Variants in GOLGA1 observed in about 807,000 individuals in gnomAD.
GOLGA1 encodes golgin subfamily A member 1.
Under a neutral mutation model 119.7 loss-of-function variants are expected in GOLGA1, and 63 were observed. The observed-to-expected ratio is 0.53, with a 90% CI of 0.43 to 0.65. The LOEUF (loss-of-function observed/expected upper bound fraction) is 0.65. Ranked by LOEUF, GOLGA1 falls within the 30% of genes least tolerant of loss-of-function variation. The probability of loss-of-function intolerance (pLI) is 0.00; values close to 1 mark genes in which losing one functional copy is unlikely to be tolerated. For missense variants in GOLGA1, 798 were observed against 912.8 expected, an observed-to-expected ratio of 0.87 and a Z score of 1.62; for synonymous variants, 318 against 333.4, an observed-to-expected ratio of 0.95 and a Z score of 0.50.
chr9:124,907,095 G>A (rs979844785), intron 12 of GOLGA1, among the ~76,000 whole-genome samples: 1 of 152,112 alleles, frequency 6.6e-6, no homozygotes, highest in African/African-American at 2.4e-5. Flanking sequence ...ATTGGGTGTT[G>A]AGATATAGTA....
chr9:124,939,858 G>A (rs1830965979), intron 2 of GOLGA1, among the ~76,000 whole-genome samples: 1 of 152,026 alleles, frequency 6.6e-6, no homozygotes, highest in South Asian at 2.1e-4. Flanking sequence ...CACTGCGCCC[G>A]GCCTCACAGT....
intron 11 of GOLGA1, among the ~76,000 whole-genome samples, chr9:124,911,670 C>G (rs10819007): frequency 6.6e-6 from 1 of 152,026 alleles, no homozygotes; most frequent in Non-Finnish European, 1.5e-5. Flanking sequence ...AGATGCTATC[C>G]GTTTGTATGT....
chr9:124,886,158 G>A (rs571158179), intron 19 of GOLGA1, among the ~76,000 whole-genome samples: 1 of 152,252 alleles, frequency 6.6e-6, no homozygotes, highest in Non-Finnish European at 1.5e-5. Flanking sequence ...TAGAGCTCAT[G>A]TGGAGACAGG....
rs1177057642 is a variant in GOLGA1 at position 124,888,523 on chromosome 9, C to A, written c.1762-127G>T. On this transcript the variant is annotated intron_variant, in intron 18 of 22. Coordinates refer to ENST00000373555, the MANE Select transcript of GOLGA1 (RefSeq NM_002077.4). This position sits in a 1 kb window ranked among gnomAD's most constrained non-coding sequence, Gnocchi z 4.4. Reference sequence around the variant, plus strand: ...CGTTGTGCTCCAACAGGCAACTGGCCAGGAAGCAATTCCTGGAGAAGATCC... The same window carrying A: ...CGTTGTGCTCCAACAGGCAACTGGCAAGGAAGCAATTCCTGGAGAAGATCC... The A allele has an allele frequency of 2.6e-6, 2 of 763,902 alleles. No individual in the cohort carries two copies. The highest frequency in any genetic ancestry group is 3.5e-5 in the African/African-American group (2 of 57,774). 47.3% of individuals were successfully genotyped at this position (763,902 alleles called of 1,614,324 possible). A position where few individuals can be genotyped will look rare whatever the true frequency, so the allele number is the denominator to read the frequency against.
intron 3 of GOLGA1, among the ~76,000 whole-genome samples, chr9:124,936,467 G>C (rs985098108): frequency 6.6e-6 from 1 of 152,036 alleles, no homozygotes; most frequent in Non-Finnish European, 1.5e-5. Context: ...TAGAGACAGA[G>C]TCTTGCTCTG....
intron 12 of GOLGA1, among the ~76,000 whole-genome samples, chr9:124,904,305 A>G (rs890612465): frequency 2.6e-5 from 4 of 152,162 alleles, no homozygotes; most frequent in Admixed American, 6.5e-5. Context: ...TTACTGTTTA[A>G]TAAGTATAGA....
chr9:124,934,016 G>C (rs1197066838), intron 3 of GOLGA1, among the ~76,000 whole-genome samples: 4 of 152,154 alleles, frequency 2.6e-5, no homozygotes, highest in Non-Finnish European at 5.9e-5. Context: ...GGTGAGTCTT[G>C]TGAGTCCTCC....
At chr9:124,941,168 G>A (rs868807812), upstream of GOLGA1, 2 of 152,314 alleles carry the variant, frequency 1.3e-5, no homozygotes, top group Admixed American at 6.5e-5. Flanking sequence ...GCGCGGCCTT[G>A]GCGGCTACTG....
chr9:124,947,618 A>C (rs1831167685), intron 1 of GOLGA1: 1 of 152,226 alleles, frequency 6.6e-6, no homozygotes, highest in South Asian at 2.1e-4. Context: ...GTATCACTGC[A>C]TACCAATATA....
chr9:124,903,476 T>A (rs977458818), intron 12 of GOLGA1, among the ~76,000 whole-genome samples: 11 of 135,934 alleles, frequency 8.1e-5, no homozygotes, highest in Non-Finnish European at 1.8e-4. Context: ...AGATTTTGTC[T>A]AAAAAAAAAA....
chr9:124,936,874 T>C (rs769682435), intron 3 of GOLGA1, among the ~76,000 whole-genome samples: 2 of 152,254 alleles, frequency 1.3e-5, no homozygotes, highest in Non-Finnish European at 2.9e-5. Context: ...GTGCAACTTT[T>C]ATAACTTCAA....
In GOLGA1 at chr9:124,939,498, T is replaced by C. The variant is rs544551363; in HGVS notation, c.-156+608A>G. Among the ~76,000 whole-genome samples the C allele has an allele frequency of 9.2e-5, 14 of 151,428 alleles. No homozygotes were observed. The South Asian group carries it at 2.9e-3, about 32-fold the overall frequency. ...CCTTGAACATTTTCTAGAGACGCTG[T>C]GTGGTTTTGAGTTTGATAAAATTAC... is the stretch of plus-strand genomic sequence containing the variant. On this transcript the variant is annotated intron_variant, in intron 2 of 22. Transcript: ENST00000373555.
At chr9:124,931,761 G>A (rs565461168) in intron 3 of GOLGA1, among the ~76,000 whole-genome samples, 1 of 152,230 alleles carries the variant, frequency 6.6e-6, no homozygotes, top group African/African-American at 2.4e-5. Context: ...AAAGAAGGCG[G>A]GGGTTCTTTA....
intron 7 of GOLGA1, among the ~76,000 whole-genome samples, chr9:124,925,835 A>C (rs1285613580): frequency 2.0e-5 from 3 of 152,236 alleles, no homozygotes; most frequent in Admixed American, 2.0e-4. Context: ...TAAAACTAAA[A>C]TGTTTTTCCA....
chr9:124,939,550 CTTTTTTTTTTTTTTTTTT>C (rs3051147), intron 2 of GOLGA1, among the ~76,000 whole-genome samples: 1 of 81,858 alleles, frequency 1.2e-5, no homozygotes, highest in Non-Finnish European at 2.4e-5. Context: ...TTCTTTCTTT[CTTTTTTTTTTTTTTTTTT>C]TTTTTTTTTT....
At chr9:124,930,965 C>T (rs940188589) in intron 4 of GOLGA1, among the ~76,000 whole-genome samples, 9 of 152,220 alleles carry the variant, frequency 5.9e-5, no homozygotes, top group African/African-American at 2.2e-4. Context: ...AATCCAATAT[C>T]TGTTGGCCAT....
chr9:124,922,550 C>CAAA (rs537417274), intron 8 of GOLGA1, among the ~76,000 whole-genome samples: 1 of 49,372 alleles, frequency 2.0e-5, no homozygotes, highest in Non-Finnish European at 4.0e-5. Context: ...GACTCTATCT[C>CAAA]AAAAAAAAAA....
Position 124,881,883 on chromosome 9 carries a change from A to G in GOLGA1, c.2037T>C (p.Pro679=). The G allele has an allele frequency of 1.2e-6, 2 of 1,610,822 alleles. No homozygotes were observed. The highest frequency in any genetic ancestry group is 1.7e-6 in the Non-Finnish European group (2 of 1,177,148). The change falls in exon 21 of 23, where the codon CCT becomes CCC. Residue 679 remains proline (P), a synonymous_variant. Coordinates refer to ENST00000373555, the MANE Select transcript of GOLGA1 (RefSeq NM_002077.4). The surrounding 1 kb of genome is among the most constrained non-coding windows in gnomAD (Gnocchi z 4.9). ...TCAGGTCAGTGTTATTCGTGACGGA[A>G]GGCGCCATGTTTGCCATCTCAGGTC... ...KPGPEMANMA[P]SVTNNTDLTD...
intron 3 of GOLGA1, among the ~76,000 whole-genome samples, chr9:124,935,339 G>A (rs1356239318): frequency 2.0e-4 from 30 of 152,148 alleles, no homozygotes; most frequent in Admixed American, 2.0e-3. Flanking sequence ...TAAATGATAT[G>A]CATTAAACAA....
Sources: allele counts gnomAD v4.1 joint callset (sites outside exome capture counted in the v4.1 genomes callset), GRCh38; gene constraint gnomAD v4.1.1; non-coding constraint Gnocchi (gnomAD v3.1); transcripts MANE v1.5; gene names NCBI Gene and HGNC (gene_info 2026-07-23, HGNC 2026-07-21).